Variants in MAT2B observed in about 807,000 individuals in gnomAD.
MAT2B encodes methionine adenosyltransferase 2 subunit beta.
Under a neutral mutation model 36.1 loss-of-function variants are expected in MAT2B, and 16 were observed. That is an observed-to-expected ratio of 0.44 (90% CI 0.30 to 0.67). The LOEUF is 0.67. Among genes scored for constraint, MAT2B ranks in the 30% least tolerant of loss-of-function variants. The pLI, the probability that MAT2B is intolerant of heterozygous loss-of-function variation, is 0.09. For missense variants in MAT2B, 332 were observed against 398.2 expected, an observed-to-expected ratio of 0.83 and a Z score of 1.42; for synonymous variants, 148 against 136.9, an observed-to-expected ratio of 1.08 and a Z score of -0.57.
chr5:163,513,466 C>A, intron 2 of MAT2B, 89 bp from the exon 3 acceptor site: 1 of 696,170 alleles, frequency 1.4e-6, no homozygotes, highest in Non-Finnish European at 2.6e-6. Context: ...TGACTTACTG[C>A]ACATTTTTCT....
At chr5:163,511,393 A>G (rs1760039344) in intron 1 of MAT2B, among the ~76,000 whole-genome samples, 1 of 149,328 alleles carries the variant, frequency 6.7e-6, no homozygotes, top group Non-Finnish European at 1.5e-5. Flanking sequence ...CCTCCCAAGT[A>G]GCTAGGACTA....
chr5:163,509,952 A>G (rs939228735), intron 1 of MAT2B, among the ~76,000 whole-genome samples: 4 of 152,174 alleles, frequency 2.6e-5, no homozygotes, highest in African/African-American at 7.2e-5. Context: ...CCTTTATACT[A>G]TCTTTCCCTG....
chr5:163,515,490 C>T (rs1760116186), intron 4 of MAT2B, among the ~76,000 whole-genome samples: 1 of 152,144 alleles, frequency 6.6e-6, no homozygotes, highest in Non-Finnish European at 1.5e-5. Context: ...GAAGAATGTT[C>T]TTCACATAAT....
upstream of MAT2B, chr5:163,503,527 A>G (rs1759881144): frequency 9.4e-7 from 1 of 1,068,056 alleles, no homozygotes; most frequent in African/African-American, 1.6e-5. Context: ...TGTAAAGAAA[A>G]TAGAAACGGG....
intron 2 of MAT2B, chr5:163,513,051 TC>T (rs1344942933): frequency 2.3e-5 from 4 of 176,356 alleles, no homozygotes; most frequent in African/African-American, 9.6e-5. Context: ...GGTAGATCGA[TC>T]ACAGCCCACT....
In MAT2B at chr5:163,505,634, C is replaced by G; in HGVS notation, c.-53C>G. Reference sequence around the variant, plus strand: ...CGTCTGAGCTGAGGCCCGCGTCGATCCTGGGTTGGAGGAGGTGGCGGCCGC... The same window carrying G: ...CGTCTGAGCTGAGGCCCGCGTCGATGCTGGGTTGGAGGAGGTGGCGGCCGC... On this transcript the variant is annotated 5_prime_UTR_variant, in exon 1 of 7. In the 5' UTR this introduces an upstream ATG that the reference lacks. Coordinates refer to ENST00000321757, the MANE Select transcript of MAT2B (RefSeq NM_013283.5). The G allele has an allele frequency of 8.0e-7, 1 of 1,254,828 alleles. No homozygotes were observed. Among genetic ancestry groups the G allele is most frequent in the Non-Finnish European group, 1.0e-6 (1 of 991,570 alleles). 77.7% of individuals were successfully genotyped at this position (1,254,828 alleles called of 1,614,324 possible).
At chr5:163,505,417 C>T (rs1459632822), upstream of MAT2B, 6 of 719,902 alleles carry the variant, frequency 8.3e-6, no homozygotes, top group Admixed American at 4.4e-5. Context: ...CCTGAATTCA[C>T]TGCCTAAGGT....
chr5:163,503,210 T>G (rs1759875706), upstream of MAT2B: 1 of 578,340 alleles, frequency 1.7e-6, no homozygotes, highest in Non-Finnish European at 3.2e-6. Flanking sequence ...CTTACTGCCA[T>G]GTGGAGAACT....
chr5:163,516,487 C>G lies in MAT2B; in HGVS notation c.527-31C>G, dbSNP rs764872008. Reference sequence around the variant, plus strand: ...ACATCAAAATTTAAGAATCAGTCAGCTTTAAATTATTTGCTTTTATTCTTC... The same window carrying G: ...ACATCAAAATTTAAGAATCAGTCAGGTTTAAATTATTTGCTTTTATTCTTC... On this transcript the variant is annotated intron_variant, in intron 4 of 6. Transcript: ENST00000321757. The G allele has an allele frequency of 1.9e-6, 3 of 1,573,062 alleles. No homozygotes were observed. In the South Asian group the frequency reaches 3.3e-5, roughly 17 times the overall value.
upstream of MAT2B, chr5:163,505,451 C>T (rs988100272): frequency 5.8e-5 from 64 of 1,100,052 alleles, no homozygotes; most frequent in African/African-American, 1.0e-3. Flanking sequence ...TTGTGTGTCG[C>T]TTTAAGCATC....
At position 163,513,022 on chromosome 5, in the gene MAT2B, G is replaced by A. The variant is rs537917240; in HGVS notation, c.259-533G>A. 4.7e-4 allele frequency: 95 copies of A among 202,052 alleles called. 1 individual carries two copies. The highest frequency in any genetic ancestry group is 7.3e-4 in the Non-Finnish European group (71 of 97,614). 12.5% of individuals were successfully genotyped at this position (202,052 alleles called of 1,614,324 possible). ...TTATTTTCAGACAGGGTCTCACTCT[G>A]TAGCCCAGGGTGAAGTACGGTAGAT... On this transcript the variant is annotated intron_variant, in intron 2 of 6. Transcript: ENST00000321757.
chr5:163,503,343 G>A (rs1377785924), upstream of MAT2B: 12 of 1,575,984 alleles, frequency 7.6e-6, no homozygotes, highest in East Asian at 2.7e-4. Flanking sequence ...GCAAGAGAAG[G>A]CAGAGGCTAA....
intron 2 of MAT2B, chr5:163,512,459 A>G (rs1561657066): frequency 4.1e-6 from 2 of 490,926 alleles, no homozygotes; most frequent in Non-Finnish European, 7.3e-6. Context: ...TTTCTCTGCA[A>G]ATGGTTTTCA....
chr5:163,507,586 T>C (rs191810509), intron 1 of MAT2B, among the ~76,000 whole-genome samples: 97 of 152,358 alleles, frequency 6.4e-4, no homozygotes, highest in African/African-American at 2.1e-3. Flanking sequence ...CTCTTTATTG[T>C]GCCTTGAGTG....
upstream of MAT2B, chr5:163,503,509 A>T (rs1759880907): frequency 8.1e-7 from 1 of 1,232,306 alleles, no homozygotes; most frequent in African/African-American, 1.5e-5. Context: ...CTAAAACCAG[A>T]ATTGTTGTGT....
chr5:163,515,227 G>A (rs1319282617), intron 4 of MAT2B, among the ~76,000 whole-genome samples: 2 of 152,174 alleles, frequency 1.3e-5, no homozygotes, highest in Non-Finnish European at 2.9e-5. Context: ...CTCTTGTCAT[G>A]TAATTTAAAA....
upstream of MAT2B, among the ~76,000 whole-genome samples, chr5:163,504,718 G>A (rs1260623411): frequency 3.3e-5 from 5 of 152,184 alleles, no homozygotes; most frequent in South Asian, 6.2e-4. Flanking sequence ...AGGATTTTTT[G>A]CGGTTTTTAA....
rs530512241 is a variant in MAT2B at position 163,516,567 on chromosome 5, C to G, written c.576C>G (p.Leu192=). 62 of 1,613,990 alleles carry G rather than the reference C, an allele frequency of 3.8e-5. No individual in the cohort carries two copies. The highest frequency in any genetic ancestry group is 4.7e-5 in the Non-Finnish European group (55 of 1,180,022). Residue 192 remains leucine (L), a synonymous_variant, in exon 5 of 7, where the codon CTC becomes CTG. Transcript: ENST00000321757. ...TTCTGTATGGGGAAGTTGAAAAGCT[C>G]GAAGAAAGTGCTGTGACTGTTATGT... ...IPILYGEVEK[L]EESAVTVMFD... is the part of the protein sequence containing the mutation.
chr5:163,516,840 A>G, intron 5 of MAT2B, 129 bp downstream of exon 5: 2 of 799,088 alleles, frequency 2.5e-6, no homozygotes, highest in Non-Finnish European at 4.2e-6. Context: ...CTAGGAGACC[A>G]AACAAAAGTA....
Sources: gnomAD v4.1 joint callset for allele counts (sites outside exome capture counted in the v4.1 genomes callset) on GRCh38, gnomAD v4.1.1 for gene constraint, MANE v1.5 for transcripts, NCBI Gene and HGNC (gene_info 2026-07-23, HGNC 2026-07-21) for gene names.